TMEM117: variants seen among roughly 807,000 people sequenced by gnomAD.
TMEM117 encodes the protein transmembrane protein 117.
Under a neutral mutation model 52.4 loss-of-function variants are expected in TMEM117, and 27 were observed. That is an observed-to-expected ratio of 0.51 (90% CI 0.38 to 0.71). TMEM117 has a LOEUF of 0.71. TMEM117 is among the 30% of genes least tolerant of loss of function. The probability of loss-of-function intolerance (pLI) is 0.00; values close to 1 mark genes in which losing one functional copy is unlikely to be tolerated. For missense variants in TMEM117, 556 were observed against 630.5 expected (o/e 0.88, Z 1.26); for synonymous variants, 215 against 206.3 (o/e 1.04, Z -0.36).
chr12:43,856,993 CT>C (rs1420890552), intron 2 of TMEM117, among the ~76,000 whole-genome samples: 1 of 152,174 alleles, frequency 6.6e-6, no homozygotes, highest in East Asian at 1.9e-4. Flanking sequence ...GATCTTATTA[CT>C]TTGTGTTCCT....
At position 44,257,532 on chromosome 12, in the gene TMEM117, G is replaced by T. The variant is rs1276900174; in HGVS notation, c.609-42048G>T. On this transcript the variant is annotated intron_variant, in intron 5 of 7. Coordinates refer to ENST00000266534, the MANE Select transcript of TMEM117 (RefSeq NM_032256.3). ...GGACTGGTAGCTTGAAACAATAGTT[G>T]CTACTAATATCTGATTTCGAGTTTC... 2.0e-5 allele frequency among the ~76,000 whole-genome samples: 3 copies of T among 152,050 alleles called. No homozygotes were observed. In the East Asian group the frequency reaches 5.8e-4, roughly 29 times the overall value.
chr12:43,945,483 G>A (rs1339323181), intron 3 of TMEM117, among the ~76,000 whole-genome samples: 1 of 152,176 alleles, frequency 6.6e-6, no homozygotes, highest in East Asian at 1.9e-4. Context: ...ACCACACCTG[G>A]CTAATTTTTG....
intron 7 of TMEM117, among the ~76,000 whole-genome samples, chr12:44,384,838 A>G (rs1187947855): frequency 1.3e-5 from 2 of 152,180 alleles, no homozygotes; most frequent in Non-Finnish European, 2.9e-5. Flanking sequence ...GAGAAATAAT[A>G]CCACCCTACA....
intron 6 of TMEM117, among the ~76,000 whole-genome samples, chr12:44,344,079 A>G (rs1951452309): frequency 6.6e-6 from 1 of 152,140 alleles, no homozygotes; most frequent in Non-Finnish European, 1.5e-5. Context: ...GCTGGTCTTA[A>G]ATTGTTGAGA....
chr12:44,283,700 A>G (rs553500615), intron 5 of TMEM117, among the ~76,000 whole-genome samples: 1 of 152,232 alleles, frequency 6.6e-6, no homozygotes, highest in South Asian at 2.1e-4. Flanking sequence ...CTTTTGGGTT[A>G]ATGCTGAAAT....
intron 5 of TMEM117, among the ~76,000 whole-genome samples, chr12:44,269,452 C>A (rs1950420105): frequency 6.6e-6 from 1 of 151,984 alleles, no homozygotes; most frequent in African/African-American, 2.4e-5. Flanking sequence ...TATTACTACC[C>A]TCTACTGCCC....
intron 3 of TMEM117, among the ~76,000 whole-genome samples, chr12:43,957,856 G>A (rs903113484): frequency 7.9e-5 from 12 of 152,302 alleles, no homozygotes; most frequent in South Asian, 4.1e-4. Context: ...AATGTATAAT[G>A]TACAAGGAAG....
intron 3 of TMEM117, chr12:44,083,680 A>C (rs1057377986): frequency 3.9e-5 from 6 of 152,116 alleles, no homozygotes; most frequent in Admixed American, 6.5e-5. Flanking sequence ...CTGGGATTAC[A>C]GGTATAAACT....
chr12:44,115,250 T>C (rs745747042), intron 3 of TMEM117, among the ~76,000 whole-genome samples: 38 of 152,188 alleles, frequency 2.5e-4, no homozygotes, highest in Non-Finnish European at 4.4e-4. Context: ...TAGGTGGGAA[T>C]TGAACAATGA....
chr12:44,352,287 T>C (rs1951574341), intron 6 of TMEM117, among the ~76,000 whole-genome samples: 1 of 152,028 alleles, frequency 6.6e-6, no homozygotes, highest in Non-Finnish European at 1.5e-5. Context: ...TGTTTTGTTT[T>C]TTTGTTTTTT....
At chr12:44,019,962 G>A (rs1946431531) in intron 3 of TMEM117, among the ~76,000 whole-genome samples, 1 of 152,202 alleles carries the variant, frequency 6.6e-6, no homozygotes, top group South Asian at 2.1e-4. Context: ...AATAGAATCT[G>A]GTTGTTAAAA....
chr12:44,103,565 A>G (rs1947900388), intron 3 of TMEM117, among the ~76,000 whole-genome samples: 1 of 151,170 alleles, frequency 6.6e-6, no homozygotes, highest in Admixed American at 6.6e-5. Flanking sequence ...CTCCTCTATT[A>G]CTTTTTTTCA....
chr12:44,302,423 G>A (rs554351385), intron 6 of TMEM117, among the ~76,000 whole-genome samples: 7 of 152,152 alleles, frequency 4.6e-5, no homozygotes, highest in Non-Finnish European at 7.4e-5. Context: ...CCAGTGTCAG[G>A]AGTCTCTTGT....
intron 3 of TMEM117, among the ~76,000 whole-genome samples, chr12:43,964,315 G>C (rs866935053): frequency 6.6e-6 from 1 of 152,102 alleles, no homozygotes; most frequent in South Asian, 2.1e-4. Context: ...GGGCCTGGGA[G>C]GGGGAGAACC....
intron 6 of TMEM117, among the ~76,000 whole-genome samples, chr12:44,363,674 T>G (rs1366548944): frequency 1.3e-5 from 2 of 152,172 alleles, no homozygotes; most frequent in African/African-American, 4.8e-5. Flanking sequence ...CTTGCAGGTA[T>G]TTACATTAAA....
At chr12:44,139,313 G>A (rs1374959020) in intron 3 of TMEM117, among the ~76,000 whole-genome samples, 1 of 152,078 alleles carries the variant, frequency 6.6e-6, no homozygotes, top group African/African-American at 2.4e-5. Context: ...TGTTGCTAGT[G>A]ATCAAGACCC....
At chr12:43,955,799 A>T (rs1945296464) in intron 3 of TMEM117, among the ~76,000 whole-genome samples, 1 of 152,230 alleles carries the variant, frequency 6.6e-6, no homozygotes, top group Non-Finnish European at 1.5e-5. Context: ...TTTAAAATTC[A>T]TATGGAACCA....
the TMEM117 span, chr12:43,806,266 G>A: frequency 1.5e-5 from 23 of 1,520,342 alleles, no homozygotes; most frequent in East Asian, 7.9e-5. Context: ...GCTAGCTCCC[G>A]GCTCCGGCGC....
intron 3 of TMEM117, chr12:44,009,373 C>T (rs1946253498): frequency 4.8e-6 from 1 of 208,818 alleles, no homozygotes; most frequent in Admixed American, 6.3e-5. Context: ...ATCATAAAGT[C>T]TTCTCAGGAG....
Sources: gnomAD v4.1 joint callset for allele counts (sites outside exome capture counted in the v4.1 genomes callset) on GRCh38, gnomAD v4.1.1 for gene constraint, MANE v1.5 for transcripts, NCBI Gene and HGNC (gene_info 2026-07-23, HGNC 2026-07-21) for gene names.